Variants in RFC3 observed in about 807,000 individuals in gnomAD.
RFC3 encodes the protein A1 38 kDa subunit.
Under a neutral mutation model 45.1 loss-of-function variants are expected in RFC3, and 41 were observed. The observed-to-expected ratio is 0.91, with a 90% CI of 0.71 to 1.18. The LOEUF is 1.18. Ranked by LOEUF, RFC3 falls within the 50% of genes most tolerant of loss-of-function variation. The probability of loss-of-function intolerance (pLI) is 0.00; values close to 1 mark genes in which losing one functional copy is unlikely to be tolerated. For synonymous variants in RFC3, 149 were observed against 144.0 expected (o/e 1.03, Z -0.25); for missense variants, 423 against 428.1 (o/e 0.99, Z 0.10).
At chr13:33,884,590 C>T (rs2082507812) in intron 8 of RFC3, among the ~76,000 whole-genome samples, 1 of 152,182 alleles carries the variant, frequency 6.6e-6, no homozygotes, top group Non-Finnish European at 1.5e-5. Flanking sequence ...GCATTTCTCC[C>T]AGCAATCCAT....
intron 8 of RFC3, among the ~76,000 whole-genome samples, chr13:33,964,761 T>C (rs536583868): frequency 1.3e-5 from 2 of 152,296 alleles, no homozygotes; most frequent in South Asian, 4.1e-4. Flanking sequence ...CTATGTCCAC[T>C]TCTCTAGAAA....
At chr13:33,835,505 G>T (rs764687201) in intron 8 of RFC3, 2 of 586,820 alleles carry the variant, frequency 3.4e-6, no homozygotes, top group Admixed American at 4.0e-5. Context: ...ATACCAAGGT[G>T]CAGGGATGAT....
At chr13:33,898,514 A>C (rs1364271385) in intron 8 of RFC3, among the ~76,000 whole-genome samples, 3 of 151,950 alleles carry the variant, frequency 2.0e-5, no homozygotes, top group Non-Finnish European at 4.4e-5. Flanking sequence ...AAGCAGTGTT[A>C]AGAGGAAAGT....
intron 8 of RFC3, among the ~76,000 whole-genome samples, chr13:33,961,417 A>G (rs1021679767): frequency 2.6e-5 from 4 of 152,076 alleles, no homozygotes; most frequent in Admixed American, 2.0e-4. Flanking sequence ...TTTTTCTCTG[A>G]CTCACTGAAC....
intron 8 of RFC3, among the ~76,000 whole-genome samples, chr13:33,854,374 G>A (rs545056740): frequency 1.2e-4 from 18 of 152,274 alleles, no homozygotes; most frequent in Admixed American, 9.8e-4. Flanking sequence ...AAAAAGGACT[G>A]GTTTAAGAAG....
chr13:33,835,969 T>G, intron 8 of RFC3, 135 bp from the exon 9 acceptor site: 1 of 965,124 alleles, frequency 1.0e-6, no homozygotes, highest in Non-Finnish European at 1.5e-6. Context: ...AGGTCGTTGA[T>G]TCACATAAAA....
intron 8 of RFC3, among the ~76,000 whole-genome samples, chr13:33,872,025 G>A (rs1014696195): frequency 2.6e-5 from 4 of 152,150 alleles, no homozygotes; most frequent in Non-Finnish European, 4.4e-5. Flanking sequence ...TTAACGTTCA[G>A]ACAGGAGGTT....
intron 8 of RFC3, among the ~76,000 whole-genome samples, chr13:33,843,186 T>TCTCTAG (rs1468936320): frequency 1.4e-5 from 2 of 145,328 alleles, no homozygotes; most frequent in African/African-American, 2.5e-5. Context: ...TGAACAGATT[T>TCTCTAG]CTCTAGCTAT....
chr13:33,878,196 C>T (rs1250230646), intron 8 of RFC3, among the ~76,000 whole-genome samples: 3 of 152,102 alleles, frequency 2.0e-5, no homozygotes, highest in African/African-American at 4.8e-5. Flanking sequence ...TTTTTGATAT[C>T]AAGGGACGTG....
intron 8 of RFC3, among the ~76,000 whole-genome samples, chr13:33,911,996 A>G (rs908399132): frequency 1.3e-5 from 2 of 152,094 alleles, no homozygotes; most frequent in South Asian, 2.1e-4. Flanking sequence ...TCTAAGAACT[A>G]TTTGGTTGAT....
rs560497644 is a variant in RFC3, at chr13:33,900,775, A to G, written c.880-65312A>G. Reference sequence around the variant, plus strand: ...GAATGGGAGAAAATATTTGAAAACTATACATCTGACAAGGTATTAATAACC... The same window carrying G: ...GAATGGGAGAAAATATTTGAAAACTGTACATCTGACAAGGTATTAATAACC... On this transcript the variant is annotated intron_variant, in intron 8 of 8. Transcript: ENST00000434425. 9.2e-5 allele frequency among the ~76,000 whole-genome samples: 14 copies of G among 151,976 alleles called. No individual in the cohort carries two copies. The South Asian group carries it at 2.3e-3, about 25-fold the overall frequency.
At chr13:33,888,667 A>G (rs981337076) in intron 8 of RFC3, among the ~76,000 whole-genome samples, 5 of 151,694 alleles carry the variant, frequency 3.3e-5, no homozygotes, top group South Asian at 2.1e-4. Context: ...GGAAAATACT[A>G]TTTTTCTCCA....
intron 8 of RFC3, among the ~76,000 whole-genome samples, chr13:33,928,724 GC>G (rs2082832287): frequency 6.6e-6 from 1 of 152,068 alleles, no homozygotes; most frequent in Admixed American, 6.6e-5. Context: ...ATAGCAGCTT[GC>G]CTGTGTTTAA....
At chr13:33,943,131 T>G (rs2082934921) in intron 8 of RFC3, among the ~76,000 whole-genome samples, 1 of 152,238 alleles carries the variant, frequency 6.6e-6, no homozygotes, top group Non-Finnish European at 1.5e-5. Flanking sequence ...CATAATTTAC[T>G]TTAGCATTCA....
chr13:33,861,057 C>T (rs1322479871), intron 8 of RFC3, among the ~76,000 whole-genome samples: 1 of 151,994 alleles, frequency 6.6e-6, no homozygotes, highest in Non-Finnish European at 1.5e-5. Flanking sequence ...AGCCACCATA[C>T]CCAGCTGAGA....
intron 8 of RFC3, among the ~76,000 whole-genome samples, chr13:33,951,911 A>G (rs573007309): frequency 1.2e-4 from 19 of 152,334 alleles, no homozygotes; most frequent in Admixed American, 1.2e-3. Flanking sequence ...TGATCCGGAG[A>G]GCTTAAATAA....
chr13:33,880,493 G>T (rs774490925), intron 8 of RFC3, among the ~76,000 whole-genome samples: 1 of 152,044 alleles, frequency 6.6e-6, no homozygotes, highest in South Asian at 2.1e-4. Context: ...TGATGAGGGC[G>T]TTCTATAACT....
chr13:33,854,327 C>T (rs1447765842), intron 8 of RFC3, among the ~76,000 whole-genome samples: 1 of 152,182 alleles, frequency 6.6e-6, no homozygotes, highest in Non-Finnish European at 1.5e-5. Flanking sequence ...CACTCAGTTC[C>T]TGCAGGCAGC....
chr13:33,859,319 T>A (rs1282067157), intron 8 of RFC3, among the ~76,000 whole-genome samples: 1 of 152,172 alleles, frequency 6.6e-6, no homozygotes, highest in Non-Finnish European at 1.5e-5. Flanking sequence ...ATAAATGCAT[T>A]GGTTAATAAC....
Sources: allele counts gnomAD v4.1 joint callset (sites outside exome capture counted in the v4.1 genomes callset), GRCh38; gene constraint gnomAD v4.1.1; transcripts MANE v1.5; gene names NCBI Gene and HGNC (gene_info 2026-07-23, HGNC 2026-07-21).